FGD4: variants seen among roughly 807,000 people sequenced by gnomAD.
The protein encoded by FGD4 is FYVE, RhoGEF and PH domain-containing protein 4.
In FGD4, 42 loss-of-function variants were observed where a neutral mutation model predicts 102.0. That is an observed-to-expected ratio of 0.41 (90% CI 0.32 to 0.53). The LOEUF (loss-of-function observed/expected upper bound fraction) is 0.53. FGD4 is among the 20% of genes least tolerant of loss of function. The probability of loss-of-function intolerance (pLI) is 0.21; values close to 1 mark genes in which losing one functional copy is unlikely to be tolerated. For missense variants in FGD4, 902 were observed against 1,078.2 expected (o/e 0.84, Z 2.29); for synonymous variants, 380 against 375.7 (o/e 1.01, Z -0.13).
chr12:32,552,412 G>A (rs568524034), intron 1 of FGD4, among the ~76,000 whole-genome samples: 8 of 146,370 alleles, frequency 5.5e-5, no homozygotes, highest in South Asian at 2.2e-4. Context: ...GGCGCCCGCC[G>A]CCATGCCCGA....
intron 1 of FGD4, among the ~76,000 whole-genome samples, chr12:32,531,143 G>A (rs905871571): frequency 6.6e-6 from 1 of 151,406 alleles, no homozygotes; most frequent in African/African-American, 2.4e-5. Context: ...GTAGAGACAG[G>A]GTTTCACCAC....
intron 15 of FGD4, chr12:32,637,588 T>G (rs902188108): frequency 9.2e-6 from 1 of 108,610 alleles, no homozygotes; most frequent in Non-Finnish European, 1.8e-5. Context: ...AGAGCAAGAC[T>G]CCATCTCTAT....
At chr12:32,406,864 A>C (rs1940955933) in intron 1 of FGD4, among the ~76,000 whole-genome samples, 1 of 151,622 alleles carries the variant, frequency 6.6e-6, no homozygotes, top group Non-Finnish European at 1.5e-5. Flanking sequence ...CCCAGGCTGG[A>C]GTGCAGTGGT....
intron 10 of FGD4, among the ~76,000 whole-genome samples, chr12:32,618,163 T>C (rs1224163399): frequency 1.3e-5 from 2 of 152,254 alleles, no homozygotes; most frequent in Admixed American, 6.5e-5. Flanking sequence ...GCTGAACTTA[T>C]AAAGCCAACT....
intron 1 of FGD4, among the ~76,000 whole-genome samples, chr12:32,485,436 A>ATTTTTTTTTTTTTTTTTTTTTTT: frequency 8.8e-6 from 1 of 114,218 alleles, no homozygotes; most frequent in Non-Finnish European, 1.7e-5. Flanking sequence ...TTTAAGACCA[A>ATTTTTTTTTTTTTTTTTTTTTTT]TTTTTTTTTT....
chr12:32,603,570 A>C (rs904945845), intron 7 of FGD4, among the ~76,000 whole-genome samples: 47 of 151,724 alleles, frequency 3.1e-4, no homozygotes, highest in African/African-American at 1.0e-3. Flanking sequence ...TATTTTTAGT[A>C]GAGATGGGGT....
chr12:32,614,345 C>T (rs1277801389), intron 10 of FGD4, among the ~76,000 whole-genome samples: 2 of 152,264 alleles, frequency 1.3e-5, no homozygotes, highest in East Asian at 3.9e-4. Flanking sequence ...GAAGACAAAA[C>T]ACAATCAGAG....
chr12:32,453,107 T>C (rs955453395), intron 1 of FGD4, among the ~76,000 whole-genome samples: 5 of 150,008 alleles, frequency 3.3e-5, no homozygotes, highest in Non-Finnish European at 7.4e-5. Context: ...GCTTTGATAA[T>C]TATTAACACA....
chr12:32,426,406 G>A (rs1318412183), intron 1 of FGD4, among the ~76,000 whole-genome samples: 1 of 152,128 alleles, frequency 6.6e-6, no homozygotes, highest in Non-Finnish European at 1.5e-5. Context: ...GCATCCCAGG[G>A]ATGAAGCCGA....
At chr12:32,606,301 G>A (rs542725563) in intron 7 of FGD4, among the ~76,000 whole-genome samples, 4 of 61,820 alleles carry the variant, frequency 6.5e-5, no homozygotes, top group East Asian at 3.0e-4. Flanking sequence ...AGTTTCCCCC[G>A]TCCCCCTAAA....
chr12:32,510,021 G>C (rs1939195107), intron 1 of FGD4, among the ~76,000 whole-genome samples: 1 of 152,176 alleles, frequency 6.6e-6, no homozygotes, highest in African/African-American at 2.4e-5. Context: ...AGTCAGCTGT[G>C]GCCATGGAAC....
At chr12:32,464,005 T>C (rs1232086965) in intron 1 of FGD4, among the ~76,000 whole-genome samples, 4 of 152,212 alleles carry the variant, frequency 2.6e-5, no homozygotes, top group Non-Finnish European at 4.4e-5. Context: ...ACGTAGCCAC[T>C]AAGTAGACAA....
chr12:32,459,592 T>C (rs1171883402), intron 1 of FGD4, among the ~76,000 whole-genome samples: 4 of 152,174 alleles, frequency 2.6e-5, no homozygotes, highest in East Asian at 3.8e-4. Context: ...GATTTGATTC[T>C]TTTGTGCTAT....
chr12:32,488,986 A>G (rs536072978), intron 1 of FGD4, among the ~76,000 whole-genome samples: 1 of 152,336 alleles, frequency 6.6e-6, no homozygotes, highest in East Asian at 1.9e-4. Context: ...TTTATTCTCT[A>G]TGATAAGTAG....
chr12:32,504,832 G>C (rs1438155350), intron 1 of FGD4, among the ~76,000 whole-genome samples: 2 of 152,160 alleles, frequency 1.3e-5, no homozygotes, highest in African/African-American at 4.8e-5. Context: ...AAGTCTTTCT[G>C]CTCCTTCCTT....
In FGD4 at chr12:32,399,634, G is replaced by A. The variant is rs1940562095; in HGVS notation, c.-160G>A. 5.0e-6 allele frequency: 7 copies of A among 1,404,616 alleles called. No individual in the cohort carries two copies. The highest frequency in any genetic ancestry group is 6.4e-6 in the Non-Finnish European group (7 of 1,087,202). The allele number at this position is 1,404,616 out of a possible 1,614,324, so 87.0% of individuals were successfully genotyped here. Reference sequence around the variant, plus strand: ...CCGCGACGCCGGGAGGGAGCGTACCGGGAAGGAGAGGGAGAGGAGGCACTC... The same window carrying A: ...CCGCGACGCCGGGAGGGAGCGTACCAGGAAGGAGAGGGAGAGGAGGCACTC... On this transcript the variant is annotated 5_prime_UTR_variant, in exon 1 of 17. Transcript: ENST00000534526.
intron 10 of FGD4, among the ~76,000 whole-genome samples, chr12:32,616,258 T>G (rs1359678099): frequency 2.0e-5 from 3 of 152,172 alleles, no homozygotes; most frequent in Admixed American, 1.3e-4. Flanking sequence ...AGGTTTCTGT[T>G]GAATATCTTG....
At chr12:32,637,971 T>C (rs894445981) in intron 15 of FGD4, 1 of 152,592 alleles carries the variant, frequency 6.6e-6, no homozygotes, top group African/African-American at 2.4e-5. Context: ...AAAAAATCTT[T>C]AATTAGGTGT....
At chr12:32,530,941 G>GTTTTTTTTTTTTTTTTTTTTTTTTTTTTT (rs768536136) in intron 1 of FGD4, among the ~76,000 whole-genome samples, 1 of 70,466 alleles carries the variant, frequency 1.4e-5, no homozygotes, top group African/African-American at 6.9e-5. Flanking sequence ...CCTAGCTTTG[G>GTTTTTTTTTTTTTTTTTTTTTTTTTTTTT]TTTTTTTTTT....
Sources: gnomAD v4.1 joint callset for allele counts (sites outside exome capture counted in the v4.1 genomes callset) on GRCh38, gnomAD v4.1.1 for gene constraint, MANE v1.5 for transcripts, NCBI Gene and HGNC (gene_info 2026-07-23, HGNC 2026-07-21) for gene names.